The following LRBA variants were observed in gnomAD, a reference collection of about 807,000 sequenced individuals.
The protein encoded by LRBA is lipopolysaccharide-responsive and beige-like anchor protein.
LRBA carries 176 observed loss-of-function variants against 330.0 expected under a neutral mutation model. That is an observed-to-expected ratio of 0.53 (90% CI 0.47 to 0.60). The LOEUF is 0.60. LRBA is among the 20% of genes least tolerant of loss of function. The pLI, the probability that LRBA is intolerant of heterozygous loss-of-function variation, is 0.00. For synonymous variants in LRBA, 1,230 were observed against 1,193.0 expected (o/e 1.03, Z -0.64); for missense variants, 3,259 against 3,444.8 (o/e 0.95, Z 1.35).
intron 40 of LRBA, among the ~76,000 whole-genome samples, chr4:150,564,925 C>T (rs1429467569): frequency 2.6e-5 from 4 of 152,080 alleles, no homozygotes; most frequent in South Asian, 2.1e-4. Context: ...GCTTTTACAT[C>T]GTTGGTGGGA....
chr4:150,685,738 A>T (rs1783560866), intron 36 of LRBA, among the ~76,000 whole-genome samples: 2 of 151,764 alleles, frequency 1.3e-5, no homozygotes. Context: ...CCTGGCCAAG[A>T]ATCAAATATC....
chr4:150,920,682 A>T lies in LRBA; in HGVS notation c.645+516T>A, dbSNP rs372952938. On this transcript the variant is annotated intron_variant, in intron 5 of 56. Coordinates refer to ENST00000651943, the MANE Select transcript of LRBA (RefSeq NM_001364905.1). ...TATAACATTACGAAACATTACAGAT[A>T]TCACTATTATACATAATTGTCTTAT... Among the ~76,000 whole-genome samples the T allele has an allele frequency of 3.3e-5, 5 of 152,254 alleles. No homozygotes were observed. The East Asian group carries it at 7.7e-4, about 23-fold the overall frequency.
chr4:150,323,025 G>GTGTGTGTGTGTGTGTGTGTT (rs373782725), intron 49 of LRBA, among the ~76,000 whole-genome samples: 24,064 of 142,340 alleles, frequency 0.17, 2,304 homozygotes, highest in African/African-American at 0.18. Flanking sequence ...GTGTGTGTGT[G>GTGTGTGTGTGTGTGTGTGTT]GGGATGCATT....
chr4:150,382,921 T>C (rs1405514376), intron 47 of LRBA, among the ~76,000 whole-genome samples: 2 of 152,182 alleles, frequency 1.3e-5, no homozygotes, highest in Non-Finnish European at 2.9e-5. Context: ...TAGAAATAAA[T>C]TGCAAAATTT....
Position 150,399,660 on chromosome 4 carries a change from T to C in LRBA, c.7194+15778A>G, listed in dbSNP as rs556553930. 2.4e-4 allele frequency among the ~76,000 whole-genome samples: 37 copies of C among 152,148 alleles called. No homozygotes were observed. The Middle Eastern group carries it at 0.014, about 56-fold the overall frequency. On this transcript the variant is annotated intron_variant, in intron 47 of 56. Coordinates refer to ENST00000651943, the MANE Select transcript of LRBA (RefSeq NM_001364905.1). ...GTTGGCGTGGTTGGTGGTGAGGGAA[T>C]GTTGAAGAGTGGATAGAGGTATAAT... is the stretch of plus-strand genomic sequence containing the variant.
At chr4:150,843,209 A>G (rs187498122) in intron 28 of LRBA, among the ~76,000 whole-genome samples, 1 of 152,322 alleles carries the variant, frequency 6.6e-6, no homozygotes, top group Admixed American at 6.5e-5. Context: ...TAAGTATTCA[A>G]TACTATTAAG....
At chr4:151,002,221 A>AG (rs59723042) in intron 2 of LRBA, among the ~76,000 whole-genome samples, 1 of 148,994 alleles carries the variant, frequency 6.7e-6, no homozygotes, top group Non-Finnish European at 1.5e-5. Flanking sequence ...AAAAAAAAAA[A>AG]GGGCACCTCC....
intron 44 of LRBA, among the ~76,000 whole-genome samples, chr4:150,458,998 T>C (rs904806200): frequency 5.3e-5 from 8 of 151,964 alleles, no homozygotes; most frequent in African/African-American, 1.7e-4. Context: ...TGTGAACTGG[T>C]AGACTTCACT....
chr4:150,904,764 C>T (rs987081372), intron 13 of LRBA, among the ~76,000 whole-genome samples: 8 of 151,946 alleles, frequency 5.3e-5, no homozygotes, highest in African/African-American at 7.2e-5. Context: ...CTGCCTGTTT[C>T]GATTATTTCC....
At chr4:150,714,208 G>T (rs939441243) in intron 36 of LRBA, among the ~76,000 whole-genome samples, 1 of 152,128 alleles carries the variant, frequency 6.6e-6, no homozygotes, top group South Asian at 2.1e-4. Flanking sequence ...GTGGATACTA[G>T]TTATGTACAG....
intron 37 of LRBA, among the ~76,000 whole-genome samples, chr4:150,680,267 A>G (rs1009556000): frequency 2.0e-5 from 3 of 152,252 alleles, no homozygotes; most frequent in African/African-American, 7.2e-5. Flanking sequence ...AAAAAATGCA[A>G]TGACAGTAAA....
intron 47 of LRBA, among the ~76,000 whole-genome samples, chr4:150,353,655 G>T (rs1737457619): frequency 6.6e-6 from 1 of 152,086 alleles, no homozygotes; most frequent in East Asian, 1.9e-4. Context: ...ATGCTGAAAG[G>T]AAAGCTACCG....
At chr4:150,638,338 T>A (rs1266774695) in intron 37 of LRBA, among the ~76,000 whole-genome samples, 1 of 152,194 alleles carries the variant, frequency 6.6e-6, no homozygotes, top group Non-Finnish European at 1.5e-5. Flanking sequence ...ACTTCTTTAA[T>A]TATTATCAAT....
At chr4:150,530,628 G>A (rs1763962290) in intron 40 of LRBA, among the ~76,000 whole-genome samples, 1 of 152,098 alleles carries the variant, frequency 6.6e-6, no homozygotes, top group African/African-American at 2.4e-5. Flanking sequence ...CTTATAAGGA[G>A]CCCATCATTG....
intron 2 of LRBA, among the ~76,000 whole-genome samples, chr4:150,947,739 T>A (rs921844356): frequency 6.6e-6 from 1 of 152,074 alleles, no homozygotes; most frequent in Non-Finnish European, 1.5e-5. Flanking sequence ...GAAATTAAGC[T>A]GTCCCTATTT....
chr4:150,330,805 C>T (rs1186743374), intron 48 of LRBA, among the ~76,000 whole-genome samples: 1 of 152,048 alleles, frequency 6.6e-6, no homozygotes, highest in Non-Finnish European at 1.5e-5. Context: ...GGAACAGTAC[C>T]TTGCACATAG....
chr4:150,489,140 A>ATATAATATATAAGAATATATAATG (rs1561249465), intron 41 of LRBA, among the ~76,000 whole-genome samples: 839 of 56,726 alleles, frequency 0.015, 37 homozygotes, highest in African/African-American at 0.049. Flanking sequence ...AATATATAAT[A>ATATAATATATAAGAATATATAATG]TATAATATAT....
At chr4:150,468,614 C>T (rs1755732368) in intron 43 of LRBA, among the ~76,000 whole-genome samples, 2 of 151,946 alleles carry the variant, frequency 1.3e-5, no homozygotes, top group Admixed American at 1.3e-4. Flanking sequence ...ATTTACTAGT[C>T]TATACATATT....
At chr4:150,449,645 T>C (rs953432233) in intron 44 of LRBA, among the ~76,000 whole-genome samples, 5 of 152,054 alleles carry the variant, frequency 3.3e-5, no homozygotes, top group Non-Finnish European at 2.9e-5. Context: ...GGCCAAATTC[T>C]TACAGAAGAA....
Sources: allele counts gnomAD v4.1 joint callset (sites outside exome capture counted in the v4.1 genomes callset), GRCh38; gene constraint gnomAD v4.1.1; transcripts MANE v1.5; gene names NCBI Gene and HGNC (gene_info 2026-07-23, HGNC 2026-07-21).